SEMA3A: variants seen among roughly 807,000 people sequenced by gnomAD.
SEMA3A encodes the protein semaphorin-3A.
In SEMA3A, 29 loss-of-function variants were observed where a neutral mutation model predicts 97.9. That is an observed-to-expected ratio of 0.30 (90% CI 0.22 to 0.40). The LOEUF is 0.40. Among genes scored for constraint, SEMA3A ranks in the 10% least tolerant of loss-of-function variants. The pLI, the probability that SEMA3A is intolerant of heterozygous loss-of-function variation, is 1.00. For missense variants in SEMA3A, 763 were observed against 951.3 expected, an observed-to-expected ratio of 0.80 and a Z score of 2.60; for synonymous variants, 321 against 323.7, an observed-to-expected ratio of 0.99 and a Z score of 0.09.
chr7:84,068,665 G>A (rs192657749), intron 4 of SEMA3A, among the ~76,000 whole-genome samples: 19 of 152,136 alleles, frequency 1.2e-4, no homozygotes, highest in Admixed American at 9.2e-4. Context: ...ACAGACAGAC[G>A]TGCTATCTCC....
At chr7:84,140,621 G>T (rs1414057473) in intron 1 of SEMA3A, among the ~76,000 whole-genome samples, 3 of 152,080 alleles carry the variant, frequency 2.0e-5, no homozygotes, top group Non-Finnish European at 4.4e-5. Flanking sequence ...CAAAGGCTGG[G>T]TCTATATGAT....
intron 1 of SEMA3A, among the ~76,000 whole-genome samples, chr7:84,490,437 T>A (rs1264388360): frequency 6.6e-6 from 1 of 152,014 alleles, no homozygotes; most frequent in Non-Finnish European, 1.5e-5. Flanking sequence ...AAATCAGACC[T>A]TTTTTCCAGT....
intron 3 of SEMA3A, among the ~76,000 whole-genome samples, chr7:84,208,115 TA>T (rs1463060814): frequency 9.9e-5 from 15 of 152,206 alleles, no homozygotes; most frequent in Admixed American, 9.8e-4. Flanking sequence ...TAATTCAAAG[TA>T]GTTATTAAAC....
intron 3 of SEMA3A, among the ~76,000 whole-genome samples, chr7:84,111,538 T>C (rs374888215): frequency 6.6e-6 from 1 of 152,202 alleles, no homozygotes; most frequent in Non-Finnish European, 1.5e-5. Flanking sequence ...TTAATTGATA[T>C]TTAAATTCAA....
intron 3 of SEMA3A, among the ~76,000 whole-genome samples, chr7:84,233,778 C>T (rs918274004): frequency 2.0e-5 from 3 of 151,940 alleles, no homozygotes; most frequent in Middle Eastern, 3.4e-3. Context: ...AAAGCAACAC[C>T]TTTACTGTAT....
At chr7:84,332,196 A>G (rs1448246977) in intron 2 of SEMA3A, among the ~76,000 whole-genome samples, 2 of 152,142 alleles carry the variant, frequency 1.3e-5, no homozygotes, top group East Asian at 3.9e-4. Flanking sequence ...CAAGTGGCTC[A>G]TAGCAGATGT....
At chr7:83,977,052 T>C (rs1789178085) in intron 15 of SEMA3A, 80 bp downstream of exon 15, 4 of 709,014 alleles carry the variant, frequency 5.6e-6, no homozygotes, top group Non-Finnish European at 6.9e-6. Flanking sequence ...GATGCATACA[T>C]TGCATGCATA....
chr7:84,068,763 T>C (rs1793635503), intron 4 of SEMA3A, among the ~76,000 whole-genome samples: 1 of 152,238 alleles, frequency 6.6e-6, no homozygotes, highest in South Asian at 2.1e-4. Context: ...TCCAATTTCA[T>C]GCAGTATTTG....
chr7:84,146,870 TATCA>T (rs1037746230), intron 1 of SEMA3A, among the ~76,000 whole-genome samples: 1 of 152,218 alleles, frequency 6.6e-6, no homozygotes, highest in African/African-American at 2.4e-5. Context: ...AGGTCTCTGT[TATCA>T]GTCAGTCCAC....
At chr7:84,094,344 C>G (rs1024386765) in intron 4 of SEMA3A, among the ~76,000 whole-genome samples, 1 of 150,514 alleles carries the variant, frequency 6.6e-6, no homozygotes, top group Non-Finnish European at 1.5e-5. Flanking sequence ...TTTTTTTTCC[C>G]ATGTTATACT....
At chr7:84,364,649 A>G (rs779924818) in intron 2 of SEMA3A, among the ~76,000 whole-genome samples, 6 of 151,764 alleles carry the variant, frequency 4.0e-5, no homozygotes, top group Non-Finnish European at 8.8e-5. Context: ...ACAATTTTCT[A>G]CTTGCATTAC....
intron 3 of SEMA3A, among the ~76,000 whole-genome samples, chr7:84,288,724 CA>C: frequency 6.6e-6 from 1 of 151,612 alleles, no homozygotes; most frequent in African/African-American, 2.4e-5. Context: ...AAAACAAAAA[CA>C]AAAAAAACCA....
At chr7:84,475,451 A>T (rs896506681) in intron 1 of SEMA3A, among the ~76,000 whole-genome samples, 5 of 152,182 alleles carry the variant, frequency 3.3e-5, no homozygotes, top group African/African-American at 9.7e-5. Flanking sequence ...ACATTTGAGA[A>T]AATCTCAAGT....
chr7:84,342,827 A>T (rs1293142819), intron 2 of SEMA3A, among the ~76,000 whole-genome samples: 2 of 152,238 alleles, frequency 1.3e-5, no homozygotes, highest in East Asian at 3.9e-4. Flanking sequence ...ATTTTGTGCC[A>T]GGCCTTGAAT....
chr7:84,104,734 A>C (rs978764499), intron 4 of SEMA3A, among the ~76,000 whole-genome samples: 1 of 152,124 alleles, frequency 6.6e-6, no homozygotes, highest in African/African-American at 2.4e-5. Flanking sequence ...CTTACTGATA[A>C]TATTTAGAAT....
chr7:84,144,439 TATG>T (rs1796406407), intron 1 of SEMA3A, among the ~76,000 whole-genome samples: 1 of 152,092 alleles, frequency 6.6e-6, no homozygotes, highest in South Asian at 2.1e-4. Context: ...AATTCATTAA[TATG>T]ATAATAGAAA....
In SEMA3A at chr7:84,001,979, C is replaced by A. The variant is rs760419667; in HGVS notation, c.1428G>T (p.Leu476=). Residue 476 remains leucine, a synonymous_variant, in exon 12 of 17, where the codon CTG becomes CTT. Transcript: ENST00000265362. ...KETWYDLEEV[L]LEEMTVFREP... is the part of the protein sequence containing the mutation. ...CCCGAAAAACTGTCATTTCTTCCAG[C>A]AGAACCTCTTCTAAATCATACCAAG... 1 of 1,612,660 alleles carries A rather than the reference C, an allele frequency of 6.2e-7. No homozygotes were observed. Among genetic ancestry groups the A allele is most frequent in the Non-Finnish European group, 8.5e-7 (1 of 1,179,024 alleles).
At chr7:84,156,625 A>G (rs547328795) in intron 1 of SEMA3A, among the ~76,000 whole-genome samples, 1 of 152,240 alleles carries the variant, frequency 6.6e-6, no homozygotes, top group East Asian at 1.9e-4. Flanking sequence ...TCTGTGGGAA[A>G]GTTTGTATGC....
chr7:84,395,987 TAAA>T (rs1803721502), intron 1 of SEMA3A, among the ~76,000 whole-genome samples: 2 of 152,102 alleles, frequency 1.3e-5, no homozygotes, highest in Non-Finnish European at 2.9e-5. Context: ...TTCATTGCAT[TAAA>T]GCAGAATCAA....
Sources: gnomAD v4.1 joint callset for allele counts (sites outside exome capture counted in the v4.1 genomes callset) on GRCh38, gnomAD v4.1.1 for gene constraint, MANE v1.5 for transcripts, NCBI Gene and HGNC (gene_info 2026-07-23, HGNC 2026-07-21) for gene names.